ZCWPW2: variants seen among roughly 807,000 people sequenced by gnomAD.
ZCWPW2 encodes zinc finger CW-type PWWP domain protein 2.
ZCWPW2 carries 45 observed loss-of-function variants against 46.6 expected under a neutral mutation model. That is an observed-to-expected ratio of 0.96 (90% CI 0.76 to 1.24). ZCWPW2 has a LOEUF of 1.24. Ranked by LOEUF, ZCWPW2 falls within the 50% of genes most tolerant of loss-of-function variation. The probability of loss-of-function intolerance (pLI) is 0.00; values close to 1 mark genes in which losing one functional copy is unlikely to be tolerated. For synonymous variants in ZCWPW2, 152 were observed against 137.1 expected (o/e 1.11, Z -0.76); for missense variants, 429 against 403.9 (o/e 1.06, Z -0.53).
In ZCWPW2 at chr3:28,462,547, C is replaced by T. The variant is rs139915968; in HGVS notation, c.493-16267C>T. Among the ~76,000 whole-genome samples, 600 of 152,250 alleles carry T rather than the reference C, an allele frequency of 3.9e-3. 4 individuals are homozygous for T. The highest frequency in any genetic ancestry group is 0.014 in the African/African-American group (574 of 41,542). Reference sequence around the variant, plus strand: ...GACAGAGATCAAATTTCTTATTATCCTGGTTGGATGAGCACTGTCACATTC... The same window carrying T: ...GACAGAGATCAAATTTCTTATTATCTTGGTTGGATGAGCACTGTCACATTC... On this transcript the variant is annotated intron_variant, in intron 4 of 9. Transcript: ENST00000383768.
chr3:28,398,153 T>A (rs952461271), intron 2 of ZCWPW2: 2 of 152,262 alleles, frequency 1.3e-5, no homozygotes, highest in African/African-American at 4.8e-5. Context: ...TGACAGCAGG[T>A]CCTATATCTG....
chr3:28,510,866 T>G (rs944696884), intron 6 of ZCWPW2: 7 of 284,378 alleles, frequency 2.5e-5, no homozygotes, highest in African/African-American at 1.3e-4. Context: ...CTTAACTGTA[T>G]TAGTCATTTA....
intron 1 of ZCWPW2, 107 bp from the exon 2 acceptor site, chr3:28,390,391 A>C (rs1452559419): frequency 1.1e-6 from 1 of 890,900 alleles, no homozygotes; most frequent in Non-Finnish European, 1.3e-6. Context: ...TACCAAATTT[A>C]TGCTTTTGTC....
At chr3:28,402,083 A>G (rs993357644) in intron 2 of ZCWPW2, among the ~76,000 whole-genome samples, 24 of 151,980 alleles carry the variant, frequency 1.6e-4, no homozygotes, top group Middle Eastern at 3.4e-3. Context: ...AGCAGAACTA[A>G]ATGAAATTGA....
intron 2 of ZCWPW2, among the ~76,000 whole-genome samples, chr3:28,394,521 A>T (rs1212596544): frequency 6.6e-6 from 1 of 152,114 alleles, no homozygotes; most frequent in East Asian, 1.9e-4. Context: ...AAATTATATT[A>T]CAAAGCTATA....
intron 6 of ZCWPW2, among the ~76,000 whole-genome samples, chr3:28,498,839 C>T (rs1016616478): frequency 2.0e-5 from 3 of 151,950 alleles, no homozygotes; most frequent in South Asian, 4.1e-4. Context: ...GTGATGTTCC[C>T]CTCCCTGTGT....
At chr3:28,509,242 G>A (rs1206042262) in intron 6 of ZCWPW2, among the ~76,000 whole-genome samples, 1 of 151,992 alleles carries the variant, frequency 6.6e-6, no homozygotes, top group Non-Finnish European at 1.5e-5. Context: ...TGGACATTTG[G>A]GTTGTTTCTA....
intron 1 of ZCWPW2, among the ~76,000 whole-genome samples, chr3:28,386,454 A>T (rs1256942411): frequency 6.6e-6 from 1 of 152,140 alleles, no homozygotes; most frequent in South Asian, 2.1e-4. Context: ...CAAGCAGACT[A>T]ATAGATTCAT....
chr3:28,477,770 G>A (rs1162082352), intron 4 of ZCWPW2, among the ~76,000 whole-genome samples: 1 of 151,910 alleles, frequency 6.6e-6, no homozygotes, highest in Non-Finnish European at 1.5e-5. Flanking sequence ...TTTATAGATA[G>A]GTGTTAATTA....
At chr3:28,361,279 G>A (rs1375399296) in intron 1 of ZCWPW2, among the ~76,000 whole-genome samples, 1 of 152,132 alleles carries the variant, frequency 6.6e-6, no homozygotes, top group Non-Finnish European at 1.5e-5. Flanking sequence ...AATAGGTAAA[G>A]GATAGTCTCT....
chr3:28,376,483 C>G (rs1705503096), intron 1 of ZCWPW2, among the ~76,000 whole-genome samples: 1 of 152,094 alleles, frequency 6.6e-6, no homozygotes, highest in East Asian at 1.9e-4. Flanking sequence ...CACCAACTTA[C>G]AGTACTAGAG....
chr3:28,524,698 C>G lies in ZCWPW2; in HGVS notation c.*10C>G. On this transcript the variant is annotated 3_prime_UTR_variant, in exon 10 of 10. Coordinates refer to ENST00000383768, the MANE Select transcript of ZCWPW2 (RefSeq NM_001040432.4). ...GATGTCTGAGTTTTAGAACATTATA[C>G]ATTTTTCAAATTAATTATAAAAATA... is the stretch of plus-strand genomic sequence containing the variant. The G allele has an allele frequency of 6.8e-7, 1 of 1,464,054 alleles. No individual in the cohort carries two copies. Among genetic ancestry groups the G allele is most frequent in the Non-Finnish European group, 9.1e-7 (1 of 1,099,690 alleles). 90.7% of individuals were successfully genotyped at this position (1,464,054 alleles called of 1,614,324 possible).
At chr3:28,515,658 C>A in intron 8 of ZCWPW2, 37 bp downstream of exon 8, 1 of 1,548,970 alleles carries the variant, frequency 6.5e-7, no homozygotes, top group Non-Finnish European at 8.7e-7. Context: ...GTTCTTTAAC[C>A]TATATATAAT....
rs533118174 is a variant in ZCWPW2 at position 28,455,243 on chromosome 3, G to GC, written c.492+19974_492+19975insC. Among the ~76,000 whole-genome samples the GC allele has an allele frequency of 3.9e-5, 6 of 152,262 alleles. No individual in the cohort carries two copies. The South Asian group carries it at 1.2e-3, about 32-fold the overall frequency. On this transcript the variant is annotated intron_variant, in intron 4 of 9. Coordinates refer to ENST00000383768, the MANE Select transcript of ZCWPW2 (RefSeq NM_001040432.4). The stretch of plus-strand genomic sequence containing the variant: ...TATTTTTCTAATGATCAGTGATGTT[G>GC]AACTTGTTTTCATATGCTTGTTGGC...
At chr3:28,376,772 T>G (rs910103178) in intron 1 of ZCWPW2, among the ~76,000 whole-genome samples, 3 of 152,162 alleles carry the variant, frequency 2.0e-5, no homozygotes, top group African/African-American at 7.2e-5. Context: ...TGTCGCAAAA[T>G]GTATGTTGAA....
At chr3:28,450,889 T>C (rs1358605773) in intron 4 of ZCWPW2, among the ~76,000 whole-genome samples, 4 of 152,184 alleles carry the variant, frequency 2.6e-5, no homozygotes, top group African/African-American at 9.7e-5. Flanking sequence ...ATTGTGATAG[T>C]CATTAATATT....
Position 28,444,982 on chromosome 3 carries a change from T to C in ZCWPW2, c.492+9713T>C, listed in dbSNP as rs139123025. Among the ~76,000 whole-genome samples, 453 of 152,072 alleles carry C rather than the reference T, an allele frequency of 3.0e-3. 3 individuals carry two copies. The highest frequency in any genetic ancestry group is 8.1e-3 in the African/African-American group (337 of 41,472). On this transcript the variant is annotated intron_variant, in intron 4 of 9. Transcript: ENST00000383768. ...AGTGTTTCTATACTGATATGCTCTA[T>C]AGAAATAGAGTCCTTAGCATTCTGG... is the stretch of plus-strand genomic sequence containing the variant.
chr3:28,406,113 C>T (rs768865811), intron 2 of ZCWPW2, among the ~76,000 whole-genome samples: 12 of 152,118 alleles, frequency 7.9e-5, no homozygotes, highest in Non-Finnish European at 1.2e-4. Context: ...TGTGGCTTGG[C>T]TCTTCTTGAC....
Position 28,524,606 on chromosome 3 carries a change from G to T in ZCWPW2, c.989G>T (p.Gly330Val). The T allele has an allele frequency of 1.2e-6, 2 of 1,607,842 alleles. No individual in the cohort carries two copies. Among genetic ancestry groups the T allele is most frequent in the Non-Finnish European group, 1.7e-6 (2 of 1,177,112 alleles). Reference protein sequence around the residue: ...HYEEDYLVIDGIKLKAGECIE... With the variant: ...HYEEDYLVIDVIKLKAGECIE... Reference sequence around the variant, plus strand: ...GAAGAGGACTATCTTGTAATTGATGGGATAAAATTAAAAGCTGGAGAATGT... The same window carrying T: ...GAAGAGGACTATCTTGTAATTGATGTGATAAAATTAAAAGCTGGAGAATGT... The change falls in exon 10 of 10, where the codon GGG (glycine) becomes GTG (valine). Residue 330 changes from glycine (G) to valine (V), a missense_variant. By Grantham distance (109) the Gly-to-Val change is moderately radical (BLOSUM62 -3). Transcript: ENST00000383768.
Sources: allele counts gnomAD v4.1 joint callset (sites outside exome capture counted in the v4.1 genomes callset), GRCh38; gene constraint gnomAD v4.1.1; transcripts MANE v1.5; gene names NCBI Gene and HGNC (gene_info 2026-07-23, HGNC 2026-07-21).